SDK1: variants seen among roughly 807,000 people sequenced by gnomAD.
The protein encoded by SDK1 is protein sidekick-1.
In SDK1, 157 loss-of-function variants were observed where a neutral mutation model predicts 245.5. The observed-to-expected ratio is 0.64, with a 90% CI of 0.56 to 0.73. The LOEUF is 0.73. Among genes scored for constraint, SDK1 ranks in the 30% least tolerant of loss-of-function variants. The pLI is 0.00. For missense variants in SDK1, 3,583 were observed against 3,002.3 expected, an observed-to-expected ratio of 1.19 and a Z score of -4.52; for synonymous variants, 1,647 against 1,278.5, an observed-to-expected ratio of 1.29 and a Z score of -6.15.
intron 37 of SDK1, 62 bp from the exon 38 acceptor site, chr7:4,209,963 A>C: frequency 7.4e-7 from 1 of 1,352,980 alleles, no homozygotes; most frequent in East Asian, 2.6e-5. Context: ...AGGCACAGAC[A>C]TGTATGTATA....
At chr7:4,242,036 C>G in intron 43 of SDK1, 123 bp downstream of exon 43, 5 of 1,219,450 alleles carry the variant, frequency 4.1e-6, no homozygotes, top group Non-Finnish European at 5.7e-6. Context: ...AAAACCCAAC[C>G]CACCGCCAAG....
At chr7:3,827,214 T>TGGG (rs1779797571) in intron 5 of SDK1, among the ~76,000 whole-genome samples, 1 of 152,210 alleles carries the variant, frequency 6.6e-6, no homozygotes, top group Non-Finnish European at 1.5e-5. Context: ...CAGCAGTCAC[T>TGGG]GGTCTGAGTA....
At chr7:3,565,593 AGT>A (rs1779885871) in intron 1 of SDK1, among the ~76,000 whole-genome samples, 1 of 152,214 alleles carries the variant, frequency 6.6e-6, no homozygotes, top group South Asian at 2.1e-4. Flanking sequence ...GTGTATAAAC[AGT>A]CATCTCTTGG....
intron 1 of SDK1, among the ~76,000 whole-genome samples, chr7:3,587,847 C>G (rs1311601456): frequency 1.3e-5 from 2 of 152,200 alleles, no homozygotes; most frequent in Non-Finnish European, 2.9e-5. Context: ...GTAAGCTGCT[C>G]CAGGGCAGGG....
At chr7:3,952,404 T>C (rs2120331) in intron 7 of SDK1, among the ~76,000 whole-genome samples, 66,987 of 151,852 alleles carry the variant, frequency 0.44, 16,872 homozygotes, top group African/African-American at 0.7. Context: ...CATGGTGAAA[T>C]CCCGCCCGTC....
At chr7:3,398,729 AT>A (rs1255413387) in intron 1 of SDK1, among the ~76,000 whole-genome samples, 2 of 147,666 alleles carry the variant, frequency 1.4e-5, no homozygotes, top group African/African-American at 2.5e-5. Flanking sequence ...GGTAAAACTT[AT>A]GAAAGTGTAT....
intron 1 of SDK1, among the ~76,000 whole-genome samples, chr7:3,561,454 C>T (rs184802703): frequency 6.6e-6 from 1 of 152,306 alleles, no homozygotes; most frequent in East Asian, 1.9e-4. Context: ...ACTCCACAAG[C>T]AGTGAAACTC....
At chr7:3,454,958 T>TG (rs1451976760) in intron 1 of SDK1, among the ~76,000 whole-genome samples, 1 of 152,218 alleles carries the variant, frequency 6.6e-6, no homozygotes, top group East Asian at 1.9e-4. Context: ...AGTGCTTGAG[T>TG]GGTACCGTTT....
chr7:3,786,469 C>T (rs1264380855), intron 4 of SDK1, among the ~76,000 whole-genome samples: 4 of 152,136 alleles, frequency 2.6e-5, no homozygotes, highest in African/African-American at 7.2e-5. Flanking sequence ...AGCCTAGCAA[C>T]GGTCATACAT....
intron 29 of SDK1, among the ~76,000 whole-genome samples, chr7:4,146,548 C>T (rs1779998048): frequency 6.6e-6 from 1 of 152,268 alleles, no homozygotes; most frequent in Non-Finnish European, 1.5e-5. Flanking sequence ...GTGAGACGGT[C>T]TCAGGTTTAA....
chr7:4,200,234 G>A (rs1357361384), intron 35 of SDK1, among the ~76,000 whole-genome samples: 1 of 152,204 alleles, frequency 6.6e-6, no homozygotes, highest in Non-Finnish European at 1.5e-5. Context: ...CCCACACCAT[G>A]AAATCCAACA....
intron 1 of SDK1, among the ~76,000 whole-genome samples, chr7:3,533,452 T>C (rs1412808612): frequency 6.6e-6 from 1 of 152,166 alleles, no homozygotes; most frequent in Non-Finnish European, 1.5e-5. Context: ...CCAAAATAAA[T>C]CCTATGTATT....
At chr7:4,082,793 A>G (rs1781146296) in intron 22 of SDK1, among the ~76,000 whole-genome samples, 1 of 151,846 alleles carries the variant, frequency 6.6e-6, no homozygotes, top group Non-Finnish European at 1.5e-5. Flanking sequence ...CTAACTTTTT[A>G]TATTTTTGGT....
intron 32 of SDK1, among the ~76,000 whole-genome samples, chr7:4,162,824 C>CGT (rs1234154623): frequency 6.6e-6 from 1 of 152,174 alleles, no homozygotes; most frequent in Admixed American, 6.5e-5. Context: ...GACACGCTGC[C>CGT]GTCTCTTTCC....
intron 32 of SDK1, among the ~76,000 whole-genome samples, chr7:4,165,899 A>C (rs1584345603): frequency 6.6e-6 from 1 of 151,738 alleles, no homozygotes; most frequent in Non-Finnish European, 1.5e-5. Context: ...CAATCCTCCC[A>C]CCTCAGCCTC....
chr7:3,444,824 T>G (rs1780298715), intron 1 of SDK1, among the ~76,000 whole-genome samples: 1 of 152,220 alleles, frequency 6.6e-6, no homozygotes, highest in African/African-American at 2.4e-5. Context: ...CCTGCAAATG[T>G]GATCCCCTTT....
chr7:3,596,356 A>G (rs1781062858), intron 1 of SDK1, among the ~76,000 whole-genome samples: 1 of 152,148 alleles, frequency 6.6e-6, no homozygotes, highest in South Asian at 2.1e-4. Flanking sequence ...ATCAGAACAA[A>G]CCACAGTCAT....
intron 5 of SDK1, among the ~76,000 whole-genome samples, chr7:3,911,555 G>T (rs561463728): frequency 2.0e-5 from 3 of 152,276 alleles, no homozygotes; most frequent in South Asian, 4.1e-4. Flanking sequence ...CTGCCCTCCT[G>T]ATCCATTCTC....
At chr7:3,685,594 A>T (rs191570560) in intron 4 of SDK1, among the ~76,000 whole-genome samples, 1 of 152,340 alleles carries the variant, frequency 6.6e-6, no homozygotes, top group East Asian at 1.9e-4. Flanking sequence ...GTGATGGTTG[A>T]TGCAAAAATT....
Sources: gnomAD v4.1 joint callset for allele counts (sites outside exome capture counted in the v4.1 genomes callset) on GRCh38, gnomAD v4.1.1 for gene constraint, MANE v1.5 for transcripts, NCBI Gene and HGNC (gene_info 2026-07-23, HGNC 2026-07-21) for gene names.